Variants in ENTREP2 observed in about 807,000 individuals in gnomAD.
ENTREP2 encodes protein ENTREP2.
chr15:29,437,355 A>T, the ENTREP2 span, among the ~76,000 whole-genome samples: 1 of 152,258 alleles, frequency 6.6e-6, no homozygotes, highest in Non-Finnish European at 1.5e-5. Flanking sequence ...GTAAACGTCT[A>T]AATTACTAAA....
chr15:29,298,422 A>C, the ENTREP2 span, among the ~76,000 whole-genome samples: 1 of 152,280 alleles, frequency 6.6e-6, no homozygotes, highest in South Asian at 2.1e-4. Context: ...TACAATAAAA[A>C]GGGAAAAACA....
the ENTREP2 span, among the ~76,000 whole-genome samples, chr15:29,455,085 A>G: frequency 6.6e-6 from 1 of 152,124 alleles, no homozygotes; most frequent in African/African-American, 2.4e-5. Flanking sequence ...AGTCACCTAC[A>G]CACAGGAGCC....
chr15:29,385,600 C>T, the ENTREP2 span, among the ~76,000 whole-genome samples: 32 of 152,226 alleles, frequency 2.1e-4, no homozygotes, highest in East Asian at 6.2e-3. Context: ...TGTGGTCTTC[C>T]CCCAGGGACA....
chr15:29,358,733 G>A, the ENTREP2 span, among the ~76,000 whole-genome samples: 1 of 151,788 alleles, frequency 6.6e-6, no homozygotes, highest in Non-Finnish European at 1.5e-5. Flanking sequence ...TCTCAACGTG[G>A]TATTTATCAG....
At chr15:29,270,662 G>C in the ENTREP2 span, among the ~76,000 whole-genome samples, 1 of 151,310 alleles carries the variant, frequency 6.6e-6, no homozygotes, top group African/African-American at 2.4e-5. Context: ...GGAAAAAAAA[G>C]AGAACACTGG....
chr15:29,487,705 T>C, the ENTREP2 span, among the ~76,000 whole-genome samples: 1 of 152,240 alleles, frequency 6.6e-6, no homozygotes, highest in African/African-American at 2.4e-5. Flanking sequence ...TTTGTTCGTT[T>C]GTTTTGAGAC....
chr15:29,263,119 T>C, the ENTREP2 span, among the ~76,000 whole-genome samples: 1 of 152,170 alleles, frequency 6.6e-6, no homozygotes, highest in Admixed American at 6.5e-5. Context: ...TATGAAAACA[T>C]CTTCTAGAAA....
At chr15:29,344,947 C>G in the ENTREP2 span, among the ~76,000 whole-genome samples, 2 of 151,728 alleles carry the variant, frequency 1.3e-5, no homozygotes, top group East Asian at 1.9e-4. Context: ...CACACACACA[C>G]ACACACACAC....
At chr15:29,541,866 T>G in the ENTREP2 span, among the ~76,000 whole-genome samples, 1 of 152,242 alleles carries the variant, frequency 6.6e-6, no homozygotes, top group Non-Finnish European at 1.5e-5. Context: ...CAGTCAGAAC[T>G]ACAACACACA....
At chr15:29,236,481 T>C in the ENTREP2 span, among the ~76,000 whole-genome samples, 1 of 151,250 alleles carries the variant, frequency 6.6e-6, no homozygotes, top group Non-Finnish European at 1.5e-5. Flanking sequence ...CTTCTCTCTA[T>C]AAAACATAAA....
At chr15:29,568,842 A>AT in the ENTREP2 span, among the ~76,000 whole-genome samples, 1 of 152,060 alleles carries the variant, frequency 6.6e-6, no homozygotes, top group Non-Finnish European at 1.5e-5. Context: ...GATGATGTGC[A>AT]TTTTTCACAT....
At chr15:29,602,625 C>G in the ENTREP2 span, among the ~76,000 whole-genome samples, 1 of 152,136 alleles carries the variant, frequency 6.6e-6, no homozygotes, top group African/African-American at 2.4e-5. Context: ...GCAACCTCCA[C>G]CTCCTGGATT....
the ENTREP2 span, among the ~76,000 whole-genome samples, chr15:29,301,090 A>G: frequency 2.7e-5 from 3 of 111,130 alleles, no homozygotes; most frequent in African/African-American, 4.7e-5. Flanking sequence ...ACTTTTCTGC[A>G]AAGTTTGGAT....
At chr15:29,525,298 A>G in the ENTREP2 span, among the ~76,000 whole-genome samples, 3 of 152,268 alleles carry the variant, frequency 2.0e-5, no homozygotes, top group African/African-American at 7.2e-5. Flanking sequence ...AAACTTGTAC[A>G]GGAATGTTCA....
the ENTREP2 span, among the ~76,000 whole-genome samples, chr15:29,658,100 T>C: frequency 6.6e-6 from 1 of 152,174 alleles, no homozygotes; most frequent in Non-Finnish European, 1.5e-5. Flanking sequence ...TTATCTTGAA[T>C]TATAATTTCC....
At chr15:29,508,542 T>C in the ENTREP2 span, among the ~76,000 whole-genome samples, 98 of 152,168 alleles carry the variant, frequency 6.4e-4, no homozygotes, top group Non-Finnish European at 1.2e-3. Context: ...TTAAAAAGCT[T>C]ATCCACCACA....
chr15:29,416,486 A>G, the ENTREP2 span, among the ~76,000 whole-genome samples: 1 of 152,228 alleles, frequency 6.6e-6, no homozygotes, highest in African/African-American at 2.4e-5. Context: ...CACCTTATAC[A>G]AAAATTAATT....
chr15:29,652,351 T>C, the ENTREP2 span, among the ~76,000 whole-genome samples: 1 of 152,208 alleles, frequency 6.6e-6, no homozygotes, highest in African/African-American at 2.4e-5. Flanking sequence ...GCTGTTCTAC[T>C]GCTCAGTAAA....
At chr15:29,206,394 G>T in the ENTREP2 span, among the ~76,000 whole-genome samples, 1 of 152,112 alleles carries the variant, frequency 6.6e-6, no homozygotes, top group Non-Finnish European at 1.5e-5. Flanking sequence ...GGGGGTGGGG[G>T]ACACAAACAT....
Sources: gnomAD v4.1 joint callset for allele counts (sites outside exome capture counted in the v4.1 genomes callset) on GRCh38, gnomAD v4.1.1 for gene constraint, MANE v1.5 for transcripts, NCBI Gene and HGNC (gene_info 2026-07-23, HGNC 2026-07-21) for gene names.